The following EFR3A variants were observed in gnomAD, a reference collection of about 807,000 sequenced individuals.
EFR3A encodes the protein protein EFR3 homolog A.
In EFR3A, 76 loss-of-function variants were observed where a neutral mutation model predicts 104.4. The ratio of observed to expected loss-of-function variants is 0.73; its 90% CI spans 0.60 to 0.88. The LOEUF is 0.88. Among genes scored for constraint, EFR3A ranks in the 40% least tolerant of loss-of-function variants. The probability of loss-of-function intolerance (pLI) is 0.00; values close to 1 mark genes in which losing one functional copy is unlikely to be tolerated. For synonymous variants in EFR3A, 330 were observed against 330.0 expected (o/e 1.00, Z 0.00); for missense variants, 985 against 1,012.5 (o/e 0.97, Z 0.37).
chr8:132,010,407 GATATATATATATATAT>G lies in EFR3A; in HGVS notation c.2361-355_2361-340del, dbSNP rs66644698. On this transcript the variant is annotated intron_variant, in intron 22 of 22. Transcript: ENST00000254624. ...GTTCTCTGGATTAAATCAAGTATGA[GATATATATATATATAT>G]ATATATATATATATATATATATATA... 5.5e-4 allele frequency among the ~76,000 whole-genome samples: 45 copies of G among 81,888 alleles called. 1 individual carries two copies. Among genetic ancestry groups the G allele is most frequent in the African/African-American group, 1.4e-3 (28 of 20,394 alleles). The allele number at this position is 81,888 out of a possible 152,430, so 53.7% of individuals were successfully genotyped here.
rs1031899020 is a variant in EFR3A, at chr8:131,953,711, A to T, written c.489-107A>T. 1.1e-5 allele frequency: 11 copies of T among 1,016,496 alleles called. No individual in the cohort carries two copies. The African/African-American group carries it at 1.8e-4, about 17-fold the overall frequency. 63.0% of individuals were successfully genotyped at this position (1,016,496 alleles called of 1,614,324 possible). A position where few individuals can be genotyped will look rare whatever the true frequency, so the allele number is the denominator to read the frequency against. ...TGTGTTATTTTAAGATATTTTATTG[A>T]TAAGATAACAGTATTTACTTGATAT... On this transcript the variant is annotated intron_variant, in intron 5 of 22. Coordinates refer to ENST00000254624, the MANE Select transcript of EFR3A (RefSeq NM_015137.6).
chr8:131,972,365 G>T (rs1369773674), intron 10 of EFR3A, among the ~76,000 whole-genome samples: 2 of 151,334 alleles, frequency 1.3e-5, no homozygotes, highest in African/African-American at 4.9e-5. Context: ...AGGAGCTGCG[G>T]TTGTTTTTAG....
At chr8:131,982,515 G>T (rs1820667399) in intron 14 of EFR3A, among the ~76,000 whole-genome samples, 1 of 151,958 alleles carries the variant, frequency 6.6e-6, no homozygotes. Context: ...GAATTGCTGA[G>T]TAATAGGTTA....
intron 1 of EFR3A, among the ~76,000 whole-genome samples, chr8:131,939,683 CACTT>C (rs1267525915): frequency 1.3e-5 from 2 of 152,120 alleles, no homozygotes; most frequent in Non-Finnish European, 2.9e-5. Context: ...ACTAAGTACT[CACTT>C]AATCTTCTTT....
rs543366370 is a variant in EFR3A at position 131,921,761 on chromosome 8, TGTTTGA to T, written c.10+17448_10+17453del. 3.7e-3 allele frequency among the ~76,000 whole-genome samples: 561 copies of T among 151,640 alleles called. 3 individuals carry two copies. The highest frequency in any genetic ancestry group is 7.0e-3 in the Non-Finnish European group (477 of 67,844). On this transcript the variant is annotated intron_variant, in intron 1 of 22. Coordinates refer to ENST00000254624, the MANE Select transcript of EFR3A (RefSeq NM_015137.6). Reference sequence around the variant, plus strand: ...TGTTACTATTGAGATGAGGGAGGAATGTTTGAGTTTGAGTGACTGAAATATCAAGGG... The same window carrying T: ...TGTTACTATTGAGATGAGGGAGGAATGTTTGAGTGACTGAAATATCAAGGG...
chr8:131,979,489 T>C, intron 14 of EFR3A, 68 bp downstream of exon 14: 1 of 1,123,996 alleles, frequency 8.9e-7, no homozygotes, highest in Non-Finnish European at 1.3e-6. Context: ...TAGGTGGTTT[T>C]ATATTGATCT....
At chr8:131,954,811 A>G (rs1818894798) in intron 6 of EFR3A, among the ~76,000 whole-genome samples, 2 of 151,950 alleles carry the variant, frequency 1.3e-5, no homozygotes, top group Non-Finnish European at 2.9e-5. Flanking sequence ...TTTAAATTTT[A>G]TTTATGATTT....
At chr8:131,924,798 C>T (rs1817221442) in intron 1 of EFR3A, among the ~76,000 whole-genome samples, 1 of 152,118 alleles carries the variant, frequency 6.6e-6, no homozygotes, top group Non-Finnish European at 1.5e-5. Flanking sequence ...TCATGCTTGG[C>T]TGAGCTCGTC....
chr8:131,945,004 T>C, intron 3 of EFR3A, 132 bp downstream of exon 3: 1 of 1,043,872 alleles, frequency 9.6e-7, no homozygotes, highest in Non-Finnish European at 1.3e-6. Flanking sequence ...TGTAATATTA[T>C]ACAAAGAAAT....
At chr8:131,945,381 A>G (rs1177670239) in intron 3 of EFR3A, among the ~76,000 whole-genome samples, 1 of 152,040 alleles carries the variant, frequency 6.6e-6, no homozygotes, top group Non-Finnish European at 1.5e-5. Flanking sequence ...ACTGATAAAT[A>G]GAAGTCTACC....
intron 2 of EFR3A, among the ~76,000 whole-genome samples, chr8:131,943,470 T>C (rs1269926473): frequency 6.6e-6 from 1 of 151,862 alleles, no homozygotes; most frequent in Admixed American, 6.6e-5. Context: ...GAAGAGAGGC[T>C]AACTAACTGA....
In EFR3A at chr8:132,001,715, T is replaced by C. The variant is rs764061543; in HGVS notation, c.2158-44T>C. On this transcript the variant is annotated intron_variant, in intron 19 of 22. Transcript: ENST00000254624. The stretch of plus-strand genomic sequence containing the variant: ...TAACTAGGTAAAGGTGTTATTTATA[T>C]TGACCCTTTTTAACTCTCGATTTCA... 2.6e-6 allele frequency: 4 copies of C among 1,542,488 alleles called. No homozygotes were observed. The East Asian group carries it at 6.7e-5, about 26-fold the overall frequency.
intron 1 of EFR3A, among the ~76,000 whole-genome samples, chr8:131,913,002 AAAG>A (rs1816582978): frequency 1.5e-5 from 2 of 134,172 alleles, no homozygotes; most frequent in Non-Finnish European, 3.2e-5. Flanking sequence ...TTTTTTTTTG[AAAG>A]GAGGAGGAGG....
chr8:131,959,661 C>T lies in EFR3A; in HGVS notation c.853C>T (p.Gln285Ter). Residue 285 changes from glutamine to a stop codon, truncating the protein, a stop_gained and splice_region_variant, in exon 8 of 23, where the codon CAG (glutamine) becomes TAG (stop). Coordinates refer to ENST00000254624, the MANE Select transcript of EFR3A (RefSeq NM_015137.6). LOFTEE classifies it high-confidence loss of function. ...CTTTAAAATTATAATGTATTCCATTCAGGTAAGGTTTGATTAACTATTTAC... is the reference window on the plus strand; with the variant it reads ...CTTTAAAATTATAATGTATTCCATTTAGGTAAGGTTTGATTAACTATTTAC... The part of the protein sequence containing the change: ...HCFKIIMYSI[Q>*]AQYSHHVIQE... The T allele has an allele frequency of 6.2e-7, 1 of 1,607,788 alleles. No homozygotes were observed. The highest frequency in any genetic ancestry group is 8.5e-7 in the Non-Finnish European group (1 of 1,176,892).
At chr8:131,974,029 A>T (rs1389283476) in intron 10 of EFR3A, among the ~76,000 whole-genome samples, 2 of 152,174 alleles carry the variant, frequency 1.3e-5, no homozygotes. Context: ...TTGACCATAT[A>T]CTTGGGAGAC....
In EFR3A at chr8:131,968,847, T is replaced by G. The variant is rs79848246; in HGVS notation, c.991+417T>G. 3.3e-5 allele frequency among the ~76,000 whole-genome samples: 5 copies of G among 152,288 alleles called. No individual in the cohort carries two copies. In the East Asian group the frequency reaches 9.6e-4, roughly 29 times the overall value. On this transcript the variant is annotated intron_variant, in intron 9 of 22. Transcript: ENST00000254624. ...GATTAGGATTAGCACAAGCAAAATT[T>G]TATGTGGCCCATTTTGGGTAGAATG...
intron 1 of EFR3A, among the ~76,000 whole-genome samples, chr8:131,927,764 A>G (rs1233298419): frequency 1.3e-5 from 2 of 152,092 alleles, no homozygotes; most frequent in African/African-American, 2.4e-5. Flanking sequence ...TTGTCTCTTC[A>G]CTTACTGGAA....
intron 8 of EFR3A, among the ~76,000 whole-genome samples, chr8:131,962,048 T>C (rs1819376910): frequency 6.6e-6 from 1 of 151,934 alleles, no homozygotes; most frequent in Admixed American, 6.6e-5. Context: ...TTACAAGAGC[T>C]CCTGAAGGAA....
At chr8:131,977,241 C>A in intron 12 of EFR3A, 149 bp downstream of exon 12, 1 of 533,088 alleles carries the variant, frequency 1.9e-6, no homozygotes, top group Non-Finnish European at 3.1e-6. Context: ...AAAGATTATC[C>A]AATTTTTTTA....
Sources: allele counts gnomAD v4.1 joint callset (sites outside exome capture counted in the v4.1 genomes callset), GRCh38; gene constraint gnomAD v4.1.1; transcripts MANE v1.5; gene names NCBI Gene and HGNC (gene_info 2026-07-23, HGNC 2026-07-21).